Variants in SPMIP4 observed in about 807,000 individuals in gnomAD.
The protein encoded by SPMIP4 is sperm microtubule inner protein 4.
At chr7:25,152,349 C>T in the SPMIP4 span, among the ~76,000 whole-genome samples, 1 of 152,214 alleles carries the variant, frequency 6.6e-6, no homozygotes, top group Non-Finnish European at 1.5e-5. Context: ...TACCAAACAG[C>T]ATGGCTCGCT....
chr7:25,148,961 A>G, the SPMIP4 span, among the ~76,000 whole-genome samples: 2 of 152,216 alleles, frequency 1.3e-5, no homozygotes. Context: ...CCTATAGAAA[A>G]CAGAAGTGAG....
chr7:25,152,578 T>C, the SPMIP4 span, among the ~76,000 whole-genome samples: 1 of 152,134 alleles, frequency 6.6e-6, no homozygotes, highest in East Asian at 1.9e-4. Flanking sequence ...GAATAAGTGA[T>C]TTGTCCACAT....
chr7:25,136,867 C>A, the SPMIP4 span: 2 of 1,441,060 alleles, frequency 1.4e-6, no homozygotes, highest in Non-Finnish European at 1.9e-6. This position sits in a 1 kb window ranked among gnomAD's most constrained non-coding sequence, Gnocchi z 5.7. Flanking sequence ...AAAAGTCATA[C>A]CCATTTTCAT....
chr7:25,179,145 C>T, the SPMIP4 span: 5 of 1,573,618 alleles, frequency 3.2e-6, no homozygotes, highest in Middle Eastern at 1.7e-4. Context: ...ACTGCTTTTT[C>T]TTGTTTGCTT....
the SPMIP4 span, among the ~76,000 whole-genome samples, chr7:25,168,775 G>T: frequency 6.6e-6 from 1 of 150,942 alleles, no homozygotes; most frequent in East Asian, 2.0e-4. Flanking sequence ...GCCCAGGCTG[G>T]AGTGCAGTGG....
At chr7:25,177,391 G>C in the SPMIP4 span, among the ~76,000 whole-genome samples, 3 of 136,756 alleles carry the variant, frequency 2.2e-5, no homozygotes, top group Non-Finnish European at 5.2e-5. Flanking sequence ...GCTGAGGCAG[G>C]AGAATTGCTT....
chr7:25,145,448 GA>G, the SPMIP4 span, among the ~76,000 whole-genome samples: 1 of 152,228 alleles, frequency 6.6e-6, no homozygotes, highest in Non-Finnish European at 1.5e-5. Flanking sequence ...GGAAACATTT[GA>G]GAGGGGAACT....
the SPMIP4 span, among the ~76,000 whole-genome samples, chr7:25,176,554 A>C: frequency 2.0e-5 from 3 of 152,222 alleles, no homozygotes; most frequent in Non-Finnish European, 4.4e-5. The surrounding 1 kb of genome is among the most constrained non-coding windows in gnomAD (Gnocchi z 4.4). Flanking sequence ...CCAATACAAG[A>C]ATATTTCTTT....
the SPMIP4 span, among the ~76,000 whole-genome samples, chr7:25,160,049 T>C: frequency 2.0e-5 from 3 of 152,072 alleles, no homozygotes; most frequent in Admixed American, 2.0e-4. Flanking sequence ...TCTGAAAAGA[T>C]AAAATGAAAG....
the SPMIP4 span, among the ~76,000 whole-genome samples, chr7:25,147,784 T>C: frequency 6.6e-6 from 1 of 152,224 alleles, no homozygotes; most frequent in Non-Finnish European, 1.5e-5. Flanking sequence ...GAACTTACGA[T>C]GTACCAATAT....
the SPMIP4 span, among the ~76,000 whole-genome samples, chr7:25,149,097 T>C: frequency 1.2e-4 from 19 of 152,264 alleles, 1 homozygote; most frequent in East Asian, 3.7e-3. Context: ...AGTCTGTTTA[T>C]GCATCCAGTT....
the SPMIP4 span, chr7:25,135,840 GAAA>G: frequency 7.2e-6 from 10 of 1,389,724 alleles, no homozygotes; most frequent in Non-Finnish European, 8.4e-6. Context: ...TTAAATTCCT[GAAA>G]ATGTAAACCT....
chr7:25,150,075 C>G, the SPMIP4 span, among the ~76,000 whole-genome samples: 2 of 152,094 alleles, frequency 1.3e-5, no homozygotes, highest in Non-Finnish European at 2.9e-5. Flanking sequence ...TGTTTGGGAA[C>G]CAGTGGGTGG....
At chr7:25,135,596 A>C in the SPMIP4 span, 1 of 874,402 alleles carries the variant, frequency 1.1e-6, no homozygotes, top group Non-Finnish European at 1.4e-6. Flanking sequence ...TCATTCATTA[A>C]TTATTGATCA....
the SPMIP4 span, among the ~76,000 whole-genome samples, chr7:25,126,926 C>T: frequency 6.6e-6 from 1 of 152,082 alleles, no homozygotes; most frequent in African/African-American, 2.4e-5. Context: ...TTATTTCTCC[C>T]TCACATCTGA....
the SPMIP4 span, among the ~76,000 whole-genome samples, chr7:25,160,495 C>T: frequency 1.3e-5 from 2 of 152,072 alleles, no homozygotes; most frequent in East Asian, 1.9e-4. Flanking sequence ...GACAGGGTTT[C>T]GCCATGTTGG....
At chr7:25,142,430 T>C in the SPMIP4 span, 2 of 979,328 alleles carry the variant, frequency 2.0e-6, no homozygotes, top group African/African-American at 3.3e-5. Context: ...TTTTGTAATA[T>C]AATTAGAACC....
chr7:25,154,925 C>A, the SPMIP4 span: 7 of 1,283,198 alleles, frequency 5.5e-6, no homozygotes, highest in Non-Finnish European at 7.6e-6. Context: ...TGACTTGAGT[C>A]CTTTGTGCTC....
chr7:25,165,627 C>T, the SPMIP4 span, among the ~76,000 whole-genome samples: 47 of 152,142 alleles, frequency 3.1e-4, no homozygotes, highest in African/African-American at 1.1e-3. Context: ...GGATTACAGG[C>T]GTGAGCCGCC....
Sources: allele counts gnomAD v4.1 joint callset (sites outside exome capture counted in the v4.1 genomes callset), GRCh38; gene constraint gnomAD v4.1.1; non-coding constraint Gnocchi (gnomAD v3.1); transcripts MANE v1.5; gene names NCBI Gene and HGNC (gene_info 2026-07-23, HGNC 2026-07-21).